SMCO3: variants seen among roughly 807,000 people sequenced by gnomAD.
SMCO3 encodes single-pass membrane and coiled-coil domain-containing protein 3.
In SMCO3, 6 loss-of-function variants were observed where a neutral mutation model predicts 12.0. The ratio of observed to expected loss-of-function variants is 0.50; its 90% CI spans 0.27 to 0.99. SMCO3 has a LOEUF of 0.99. Ranked by LOEUF, SMCO3 falls within the 50% of genes least tolerant of loss-of-function variation. SMCO3 has a pLI of 0.11. For missense variants in SMCO3, 279 were observed against 265.0 expected, an observed-to-expected ratio of 1.05 and a Z score of -0.37; for synonymous variants, 96 against 96.4, an observed-to-expected ratio of 1.00 and a Z score of 0.02.
chr12:14,811,380 ATT>A (rs1950133724), intron 1 of SMCO3, among the ~76,000 whole-genome samples: 1 of 152,108 alleles, frequency 6.6e-6, no homozygotes, highest in African/African-American at 2.4e-5. Context: ...TGCTCTACAC[ATT>A]TGGGCTCTGG....
chr12:14,812,476 C>G (rs1950156625), intron 1 of SMCO3, among the ~76,000 whole-genome samples: 1 of 152,046 alleles, frequency 6.6e-6, no homozygotes, highest in South Asian at 2.1e-4. Context: ...GTTACGTATA[C>G]TATTCCCTGT....
chr12:14,806,030 G>T lies in SMCO3; in HGVS notation c.651C>A (p.Ile217=), dbSNP rs777497549. The T allele has an allele frequency of 2.5e-6, 4 of 1,613,524 alleles. No individual in the cohort carries two copies. The highest frequency in any genetic ancestry group is 2.5e-6 in the Non-Finnish European group (3 of 1,179,690). The change falls in exon 2 of 2, where the codon ATC becomes ATA. Residue 217 remains isoleucine, a synonymous_variant. Coordinates refer to ENST00000316048, the MANE Select transcript of SMCO3 (RefSeq NM_001013698.2). ...ATTTCATTTGGTGTTTCACTGTATT[G>T]ATGACCTCAGTAATGGCATGATTAT... ...EKYNHAITEV[I]NTVKHQMK
At position 14,806,246 on chromosome 12, in the gene SMCO3, A is replaced by C. The variant is rs1220093261; in HGVS notation, c.435T>G (p.Ile145Met). The change falls in exon 2 of 2, where the codon ATT becomes ATG. Residue 145 changes from isoleucine to methionine, a missense_variant. Coordinates refer to ENST00000316048, the MANE Select transcript of SMCO3 (RefSeq NM_001013698.2). ...LVGSNVTTGI[I>M]NKLVTVLAQI... ...GAGCTAACACAGTGACCAACTTGTT[A>C]ATTATGCCAGTTGTGACATTTGAGC... 6.2e-7 allele frequency: 1 copy of C among 1,614,246 alleles called. No individual in the cohort carries two copies. Among genetic ancestry groups the C allele is most frequent in the Admixed American group, 1.7e-5 (1 of 60,036 alleles).
At chr12:14,812,202 T>C (rs2137266902) in intron 1 of SMCO3, among the ~76,000 whole-genome samples, 1 of 152,348 alleles carries the variant, frequency 6.6e-6, no homozygotes, top group African/African-American at 2.4e-5. Flanking sequence ...CCGAGCACTT[T>C]GGGAGGCCGA....
At position 14,806,668 on chromosome 12, in the gene SMCO3, C is replaced by G. The variant is rs1592229361; in HGVS notation, c.13G>C (p.Asp5His). MAQS[D>H]FLYPENPKRR... ...TTTGGGTTCTCTGGGTAAAGGAAGT[C>G]ACTTTGGGCCATATTTCCAATATGA... The change falls in exon 2 of 2, where the codon GAC becomes CAC. Residue 5 changes from aspartate to histidine, a missense_variant. Transcript: ENST00000316048. 3.2e-6 allele frequency: 5 copies of G among 1,579,308 alleles called. No individual in the cohort carries two copies. Among genetic ancestry groups the G allele is most frequent in the Admixed American group, 2.0e-5 (1 of 50,052 alleles).
intron 1 of SMCO3, among the ~76,000 whole-genome samples, chr12:14,813,548 T>G (rs1160968402): frequency 6.6e-6 from 1 of 152,242 alleles, no homozygotes; most frequent in Non-Finnish European, 1.5e-5. Context: ...ATTTATCAAG[T>G]GCTCACTGGT....
chr12:14,812,787 C>T (rs1320706513), intron 1 of SMCO3, among the ~76,000 whole-genome samples: 2 of 151,950 alleles, frequency 1.3e-5, no homozygotes, highest in African/African-American at 4.8e-5. Context: ...TCAGGAGGTA[C>T]ATACACAGGT....
At chr12:14,812,088 TATC>T (rs939116960) in intron 1 of SMCO3, among the ~76,000 whole-genome samples, 1 of 152,254 alleles carries the variant, frequency 6.6e-6, no homozygotes, top group Non-Finnish European at 1.5e-5. Context: ...TTCACAAAGT[TATC>T]ATAATAGTAT....
At position 14,806,151 on chromosome 12, in the gene SMCO3, C is replaced by G; in HGVS notation, c.530G>C (p.Arg177Pro). The change falls in exon 2 of 2, where the codon CGT (arginine) becomes CCT (proline). Residue 177 changes from arginine to proline, a missense_variant. Arg to Pro is a moderately radical substitution (Grantham distance 103). Coordinates refer to ENST00000316048, the MANE Select transcript of SMCO3 (RefSeq NM_001013698.2). The stretch of plus-strand genomic sequence containing the variant: ...TTTTTCCACTGCTCCCAGGATGGCA[C>G]GGACAATCATATCTATGCCAAGGCC... The part of the protein sequence containing the change: ...VLGLGIDMIV[R>P]AILGAVEKTQ... 6.2e-7 allele frequency: 1 copy of G among 1,614,014 alleles called. No individual in the cohort carries two copies. The highest frequency in any genetic ancestry group is 2.2e-5 in the East Asian group (1 of 44,872).
intron 1 of SMCO3, among the ~76,000 whole-genome samples, chr12:14,810,168 T>A (rs993385760): frequency 6.6e-6 from 1 of 151,982 alleles, no homozygotes; most frequent in African/African-American, 2.4e-5. Flanking sequence ...TTTCCTTGGG[T>A]GGGGAGTGGG....
In SMCO3 at chr12:14,806,398, G is replaced by C; in HGVS notation, c.283C>G (p.Leu95Val). 6.2e-7 allele frequency: 1 copy of C among 1,614,168 alleles called. No homozygotes were observed. The highest frequency in any genetic ancestry group is 1.7e-5 in the Admixed American group (1 of 60,012). Residue 95 changes from leucine to valine, a missense_variant, in exon 2 of 2, where the codon CTC becomes GTC. Coordinates refer to ENST00000316048, the MANE Select transcript of SMCO3 (RefSeq NM_001013698.2). ...EALKDKLEPT[L>V]YRKLQDIKEK... Reference sequence around the variant, plus strand: ...TTAATATCCTGAAGTTTTCTATAGAGGGTTGGCTCTAGCTTATCTTTTAGT... The same window carrying C: ...TTAATATCCTGAAGTTTTCTATAGACGGTTGGCTCTAGCTTATCTTTTAGT...
At position 14,806,572 on chromosome 12, in the gene SMCO3, TG is replaced by T. The variant is rs761656761; in HGVS notation, c.108del (p.Asn37IlefsTer3). The T allele has an allele frequency of 6.2e-7, 1 of 1,614,180 alleles. No individual in the cohort carries two copies. Among genetic ancestry groups the T allele is most frequent in the Non-Finnish European group, 8.5e-7 (1 of 1,180,032 alleles). On this transcript the variant is annotated frameshift_variant, in exon 2 of 2. Transcript: ENST00000316048. LOFTEE classifies it high-confidence loss of function. Reference protein sequence around the residue: ...LDCLSDSFDVTNKLTEVLNMH... With the variant: ...LDCLSDSFDVXNKLTEVLNMH... ...ATATTTAGAACCTCAGTCAGCTTATTGGTGACATCGAAGCTGTCAGATAAGC... is the reference window on the plus strand; with the variant it reads ...ATATTTAGAACCTCAGTCAGCTTATTGTGACATCGAAGCTGTCAGATAAGC...
rs2137250520 is a variant in SMCO3, at chr12:14,805,178, G to A, written c.*825C>T. 6.6e-6 allele frequency: 1 copy of A among 152,300 alleles called. No individual in the cohort carries two copies. Among genetic ancestry groups the A allele is most frequent in the Non-Finnish European group, 1.5e-5 (1 of 68,022 alleles). 9.4% of individuals were successfully genotyped at this position (152,300 alleles called of 1,614,324 possible). A position where few individuals can be genotyped will look rare whatever the true frequency, so the allele number is the denominator to read the frequency against. The stretch of plus-strand genomic sequence containing the variant: ...TTTCTGAAAGCTTATAATAAATTAT[G>A]ACTTTCTTTTAAATGACAAATGCTT... On this transcript the variant is annotated 3_prime_UTR_variant, in exon 2 of 2. Transcript: ENST00000316048.
At chr12:14,808,634 C>T (rs143732411) in intron 1 of SMCO3, among the ~76,000 whole-genome samples, 168 of 151,976 alleles carry the variant, frequency 1.1e-3, no homozygotes, top group African/African-American at 3.8e-3. Flanking sequence ...AAGTTGGCAA[C>T]GGAAAAGAGA....
chr12:14,806,117 A>G lies in SMCO3; in HGVS notation c.564T>C (p.Leu188=). Residue 188 remains leucine (L), a synonymous_variant, in exon 2 of 2, where the codon CTT becomes CTC. Transcript: ENST00000316048. ...AILGAVEKTQ[L]QAAIKSYEKH... ...TCTCATAACTTTTGATGGCTGCTTG[A>G]AGCTGTGTTTTTTCCACTGCTCCCA... 6.2e-7 allele frequency: 1 copy of G among 1,614,086 alleles called. No homozygotes were observed. Among genetic ancestry groups the G allele is most frequent in the Non-Finnish European group, 8.5e-7 (1 of 1,180,012 alleles).
chr12:14,807,188 G>A (rs1028236323), intron 1 of SMCO3, among the ~76,000 whole-genome samples: 2 of 152,216 alleles, frequency 1.3e-5, no homozygotes, highest in African/African-American at 4.8e-5. Flanking sequence ...TGTATGGAAA[G>A]TGTAGGCAAC....
At chr12:14,812,226 C>T (rs1052953339) in intron 1 of SMCO3, among the ~76,000 whole-genome samples, 4 of 152,270 alleles carry the variant, frequency 2.6e-5, no homozygotes, top group East Asian at 3.9e-4. Flanking sequence ...GGGCGGATCA[C>T]GAGGTCAGGA....
chr12:14,810,428 G>A (rs1238328801), intron 1 of SMCO3, among the ~76,000 whole-genome samples: 1 of 152,148 alleles, frequency 6.6e-6, no homozygotes, highest in Non-Finnish European at 1.5e-5. Flanking sequence ...TCATCTAATA[G>A]GTTAGTACTT....
chr12:14,812,166 C>G (rs754371570), intron 1 of SMCO3, among the ~76,000 whole-genome samples: 5 of 152,198 alleles, frequency 3.3e-5, no homozygotes. Flanking sequence ...AATATTTGGC[C>G]GGGCGTGGTG....
Sources: allele counts gnomAD v4.1 joint callset (sites outside exome capture counted in the v4.1 genomes callset), GRCh38; gene constraint gnomAD v4.1.1; transcripts MANE v1.5; gene names NCBI Gene and HGNC (gene_info 2026-07-23, HGNC 2026-07-21).